ATRNL1: variants seen among roughly 807,000 people sequenced by gnomAD.
ATRNL1 encodes the protein attractin-like protein 1.
In ATRNL1, 95 loss-of-function variants were observed where a neutral mutation model predicts 182.7. That is an observed-to-expected ratio of 0.52 (90% CI 0.44 to 0.62). The LOEUF (loss-of-function observed/expected upper bound fraction) is 0.62, where lower values mean the gene tolerates loss of function less well. Ranked by LOEUF, ATRNL1 falls within the 20% of genes least tolerant of loss-of-function variation. ATRNL1 has a pLI of 0.00. For synonymous variants in ATRNL1, 576 were observed against 568.3 expected (o/e 1.01, Z -0.19); for missense variants, 1,471 against 1,679.5 (o/e 0.88, Z 2.17).
At chr10:115,803,314 T>C (rs2907574) in intron 27 of ATRNL1, among the ~76,000 whole-genome samples, 25,076 of 152,020 alleles carry the variant, frequency 0.16, 2,278 homozygotes, top group Non-Finnish European at 0.2. Context: ...GTGGTTTTTT[T>C]CCTGAAGGAT....
At chr10:115,181,662 A>G (rs1440831466) in intron 8 of ATRNL1, among the ~76,000 whole-genome samples, 1 of 151,730 alleles carries the variant, frequency 6.6e-6, no homozygotes, top group African/African-American at 2.4e-5. Flanking sequence ...ATTTCCAACT[A>G]TGCTAAAAAT....
intron 28 of ATRNL1, among the ~76,000 whole-genome samples, chr10:115,913,197 C>T (rs1197114669): frequency 6.6e-6 from 1 of 152,144 alleles, no homozygotes; most frequent in Non-Finnish European, 1.5e-5. Flanking sequence ...CATTCTTTTT[C>T]ACATACAGAA....
intron 18 of ATRNL1, among the ~76,000 whole-genome samples, chr10:115,320,140 CT>C (rs2134027652): frequency 6.6e-6 from 1 of 151,962 alleles, no homozygotes; most frequent in East Asian, 1.9e-4. Context: ...TTTATTTCTC[CT>C]TTTCTTATTA....
At chr10:115,226,038 T>C (rs749730128) in intron 9 of ATRNL1, among the ~76,000 whole-genome samples, 3 of 151,642 alleles carry the variant, frequency 2.0e-5, no homozygotes, top group African/African-American at 7.3e-5. Context: ...TCATCACTTA[T>C]GATTTTACAA....
chr10:115,613,182 C>T lies in ATRNL1; in HGVS notation c.3795+63646C>T, dbSNP rs550661095. ...GTGTTGGCTATCATTTTAACAAAAC[C>T]GGACCAGTATTATTCTATTAGGAGT... On this transcript the variant is annotated intron_variant, in intron 26 of 28. Coordinates refer to ENST00000355044, the MANE Select transcript of ATRNL1 (RefSeq NM_207303.4). Among the ~76,000 whole-genome samples, 4 of 152,244 alleles carry T rather than the reference C, an allele frequency of 2.6e-5. No homozygotes were observed. The East Asian group carries it at 5.8e-4, about 22-fold the overall frequency.
intron 20 of ATRNL1, among the ~76,000 whole-genome samples, chr10:115,414,432 G>A (rs889732650): frequency 1.3e-5 from 2 of 149,952 alleles, no homozygotes; most frequent in East Asian, 4.0e-4. Flanking sequence ...CATCAATATA[G>A]AGATAGGATT....
chr10:115,880,998 G>A (rs1951814773), intron 28 of ATRNL1, among the ~76,000 whole-genome samples: 1 of 152,112 alleles, frequency 6.6e-6, no homozygotes, highest in South Asian at 2.1e-4. Context: ...AATCCCCCCG[G>A]GGTGAAAATG....
intron 27 of ATRNL1, among the ~76,000 whole-genome samples, chr10:115,767,887 T>G (rs1201264074): frequency 6.6e-6 from 1 of 152,136 alleles, no homozygotes; most frequent in African/African-American, 2.4e-5. Context: ...CCCAGGATCA[T>G]GATTGGGGAT....
chr10:115,228,700 CTTTTTA>C (rs780418155), intron 9 of ATRNL1, among the ~76,000 whole-genome samples: 14 of 151,110 alleles, frequency 9.3e-5, no homozygotes, highest in East Asian at 5.8e-4. Context: ...TAATTATCAA[CTTTTTA>C]TTTTTATTTT....
chr10:115,430,290 T>C (rs190779853), intron 21 of ATRNL1, among the ~76,000 whole-genome samples: 1 of 152,270 alleles, frequency 6.6e-6, no homozygotes, highest in East Asian at 1.9e-4. Flanking sequence ...CATTAGCTTT[T>C]GGTTTTATTT....
intron 26 of ATRNL1, among the ~76,000 whole-genome samples, chr10:115,590,114 T>C (rs1855813276): frequency 6.6e-6 from 1 of 152,198 alleles, no homozygotes; most frequent in African/African-American, 2.4e-5. Context: ...TAAATCTGAA[T>C]TGTAGAGCCT....
At chr10:115,352,806 A>G (rs185567271) in intron 19 of ATRNL1, among the ~76,000 whole-genome samples, 1 of 152,266 alleles carries the variant, frequency 6.6e-6, no homozygotes, top group Non-Finnish European at 1.5e-5. Flanking sequence ...AGGCTGAGGC[A>G]GGAGAATCAC....
At chr10:115,849,389 A>G (rs1452796099) in intron 28 of ATRNL1, among the ~76,000 whole-genome samples, 1 of 152,162 alleles carries the variant, frequency 6.6e-6, no homozygotes, top group Non-Finnish European at 1.5e-5. Context: ...CAAAACAAAC[A>G]CTTCACTAAT....
intron 28 of ATRNL1, among the ~76,000 whole-genome samples, chr10:115,935,961 A>G (rs1457676108): frequency 6.6e-6 from 1 of 152,156 alleles, no homozygotes; most frequent in Non-Finnish European, 1.5e-5. Context: ...CATCACATAA[A>G]TTCTGCTTTG....
At chr10:115,211,945 ACT>A (rs1554895085) in intron 8 of ATRNL1, among the ~76,000 whole-genome samples, 1 of 148,690 alleles carries the variant, frequency 6.7e-6, no homozygotes, top group Non-Finnish European at 1.5e-5. Flanking sequence ...GGTCTCTGAG[ACT>A]CTGTTCACTG....
intron 26 of ATRNL1, among the ~76,000 whole-genome samples, chr10:115,608,083 T>A (rs978798628): frequency 1.3e-5 from 2 of 152,012 alleles, no homozygotes; most frequent in Admixed American, 6.6e-5. Context: ...GCAATGCCTT[T>A]CCAATTACAG....
At chr10:115,323,009 G>A (rs577303880) in intron 18 of ATRNL1, among the ~76,000 whole-genome samples, 1 of 152,058 alleles carries the variant, frequency 6.6e-6, no homozygotes, top group African/African-American at 2.4e-5. Flanking sequence ...TCTTGGATGT[G>A]TAAGTTAATA....
chr10:115,861,322 A>G (rs1348414855), intron 28 of ATRNL1, among the ~76,000 whole-genome samples: 1 of 152,086 alleles, frequency 6.6e-6, no homozygotes, highest in Admixed American at 6.5e-5. Context: ...TGTTTCCCTT[A>G]TTATTTCTGT....
At chr10:115,220,055 T>A (rs562266555) in intron 9 of ATRNL1, among the ~76,000 whole-genome samples, 38 of 152,294 alleles carry the variant, frequency 2.5e-4, no homozygotes, top group Middle Eastern at 3.4e-3. Flanking sequence ...ACTTATTAAT[T>A]CTCTCTAACA....
Sources: gnomAD v4.1 joint callset for allele counts (sites outside exome capture counted in the v4.1 genomes callset) on GRCh38, gnomAD v4.1.1 for gene constraint, MANE v1.5 for transcripts, NCBI Gene and HGNC (gene_info 2026-07-23, HGNC 2026-07-21) for gene names.